Variants in SCP2 observed in about 807,000 individuals in gnomAD.
The protein encoded by SCP2 is SCP-2/3-oxoacyl-CoA thiolase.
In SCP2, 48 loss-of-function variants were observed where a neutral mutation model predicts 71.4. The ratio of observed to expected loss-of-function variants is 0.67; its 90% CI spans 0.53 to 0.86. The LOEUF (loss-of-function observed/expected upper bound fraction) is 0.86. SCP2 is among the 40% of genes least tolerant of loss of function. The pLI is 0.00. For missense variants in SCP2, 560 were observed against 655.6 expected (o/e 0.85, Z 1.59); for synonymous variants, 220 against 218.1 (o/e 1.01, Z -0.08).
intron 1 of SCP2, among the ~76,000 whole-genome samples, chr1:52,933,291 A>G (rs563260478): frequency 1.2e-4 from 19 of 152,336 alleles, no homozygotes; most frequent in African/African-American, 4.3e-4. Context: ...ATTGCAGTTG[A>G]TTAAAACCCA....
At chr1:52,961,246 G>T in intron 5 of SCP2, among the ~76,000 whole-genome samples, 1 of 147,514 alleles carries the variant, frequency 6.8e-6, no homozygotes. Flanking sequence ...CCCCACAACA[G>T]GATGGAATAG....
At chr1:52,936,188 CAT>C (rs1451763649) in intron 1 of SCP2, among the ~76,000 whole-genome samples, 15 of 152,168 alleles carry the variant, frequency 9.9e-5, no homozygotes, top group Admixed American at 9.8e-4. Context: ...TTTATGTTAA[CAT>C]GTAATGGATT....
At chr1:52,994,120 T>G (rs940230868) in intron 11 of SCP2, 27 of 1,062,732 alleles carry the variant, frequency 2.5e-5, no homozygotes, top group Middle Eastern at 4.5e-4. Flanking sequence ...TAGACTAAAC[T>G]GTTTTCTTTA....
intron 1 of SCP2, among the ~76,000 whole-genome samples, chr1:52,930,432 T>C (rs901337133): frequency 1.3e-5 from 2 of 152,090 alleles, no homozygotes; most frequent in African/African-American, 4.8e-5. Flanking sequence ...GAGAACAGCC[T>C]GGGCGATATT....
rs1378004123 is a variant in SCP2, at chr1:53,036,034, AAAAAAAG to A, written c.1339-2878_1339-2872del. 2.7e-5 allele frequency among the ~76,000 whole-genome samples: 4 copies of A among 149,066 alleles called. No individual in the cohort carries two copies. In the East Asian group the frequency reaches 5.8e-4, roughly 22 times the overall value. Reference sequence around the variant, plus strand: ...GACTCCGTCTCAAAAAAAAAAAAAAAAAAAAAGAAAACTGAGATTCAGAAAGTAACTT... The same window carrying A: ...GACTCCGTCTCAAAAAAAAAAAAAAAAAAACTGAGATTCAGAAAGTAACTT... On this transcript the variant is annotated intron_variant, in intron 13 of 15. Transcript: ENST00000371514.
At chr1:53,020,140 G>A (rs1221878353) in intron 12 of SCP2, among the ~76,000 whole-genome samples, 4 of 152,080 alleles carry the variant, frequency 2.6e-5, no homozygotes, top group Non-Finnish European at 5.9e-5. Flanking sequence ...GCCTGCCTCG[G>A]CCTCCCAAAG....
intron 11 of SCP2, among the ~76,000 whole-genome samples, chr1:53,007,249 C>A (rs537023401): frequency 6.6e-5 from 10 of 152,254 alleles, no homozygotes; most frequent in African/African-American, 2.4e-4. Context: ...ATATCCAGGA[C>A]TTGAACTCAG....
intron 11 of SCP2, among the ~76,000 whole-genome samples, chr1:52,990,195 A>G (rs1659343696): frequency 6.6e-6 from 1 of 152,160 alleles, no homozygotes; most frequent in African/African-American, 2.4e-5. Flanking sequence ...AGCAACAACA[A>G]CAACAACAAA....
intron 5 of SCP2, among the ~76,000 whole-genome samples, chr1:52,955,761 C>T (rs1004517427): frequency 6.6e-6 from 1 of 151,882 alleles, no homozygotes; most frequent in Non-Finnish European, 1.5e-5. Flanking sequence ...TTTAAGGACA[C>T]GCAGTTAAAG....
intron 4 of SCP2, among the ~76,000 whole-genome samples, chr1:52,951,878 G>C (rs751563817): frequency 8.6e-5 from 13 of 151,874 alleles, no homozygotes; most frequent in Non-Finnish European, 1.6e-4. Context: ...CACCATGCCT[G>C]GCTAATTTTT....
At chr1:53,048,407 G>A (rs189222378) in intron 15 of SCP2, 117 of 232,766 alleles carry the variant, frequency 5.0e-4, no homozygotes, top group Non-Finnish European at 8.8e-4. Context: ...CTTTTTGCCT[G>A]ACCTGTCCTT....
At chr1:52,952,433 C>T (rs1420693495) in intron 4 of SCP2, among the ~76,000 whole-genome samples, 1 of 152,036 alleles carries the variant, frequency 6.6e-6, no homozygotes, top group African/African-American at 2.4e-5. Flanking sequence ...TGCTATGTTG[C>T]CCAGGCTGAT....
chr1:52,976,511 T>G (rs1657984211), intron 7 of SCP2, among the ~76,000 whole-genome samples, 172 bp from the exon 8 acceptor site: 1 of 152,134 alleles, frequency 6.6e-6, no homozygotes, highest in Non-Finnish European at 1.5e-5. Context: ...CATACTGTAT[T>G]TTAGAGTTAG....
rs917500741 is a variant in SCP2 at position 52,974,636 on chromosome 1, T to C, written c.524-133T>C. The C allele has an allele frequency of 1.8e-5, 13 of 709,474 alleles. No individual in the cohort carries two copies. In the African/African-American group the frequency reaches 1.9e-4, roughly 11 times the overall value. 43.9% of individuals were successfully genotyped at this position (709,474 alleles called of 1,614,324 possible). On this transcript the variant is annotated intron_variant, in intron 6 of 15. Transcript: ENST00000371514. ...ATTTTTTGAGGGAACAGTGCTGAAG[T>C]CTTTAATACTGATGATATATATGAA...
intron 3 of SCP2, among the ~76,000 whole-genome samples, chr1:52,949,144 T>A (rs979768640): frequency 1.3e-5 from 2 of 152,218 alleles, no homozygotes; most frequent in Admixed American, 1.3e-4. Flanking sequence ...TAGTAGGTGT[T>A]ACTGTAGATG....
chr1:52,930,794 T>C (rs1653080410), intron 1 of SCP2, among the ~76,000 whole-genome samples: 1 of 152,246 alleles, frequency 6.6e-6, no homozygotes, highest in African/African-American at 2.4e-5. Flanking sequence ...TACTTTATTT[T>C]GGTGCAGCTT....
chr1:53,014,338 CCTTT>C (rs1661191511), intron 11 of SCP2, among the ~76,000 whole-genome samples: 1 of 152,132 alleles, frequency 6.6e-6, no homozygotes, highest in South Asian at 2.1e-4. Context: ...CACAGATTAA[CCTTT>C]CTGTTTCTCA....
intron 7 of SCP2, among the ~76,000 whole-genome samples, chr1:52,976,335 A>G (rs1572122831): frequency 1.3e-5 from 2 of 152,062 alleles, no homozygotes; most frequent in Admixed American, 6.6e-5. Context: ...CTGTAGTCAC[A>G]TGGTTGGTCT....
At chr1:53,037,923 CACACACAG>C (rs1663106909) in intron 13 of SCP2, among the ~76,000 whole-genome samples, 3 of 107,982 alleles carry the variant, frequency 2.8e-5, no homozygotes, top group South Asian at 3.0e-4. Context: ...CACACACACA[CACACACAG>C]ATCCAGATCC....
Sources: gnomAD v4.1 joint callset for allele counts (sites outside exome capture counted in the v4.1 genomes callset) on GRCh38, gnomAD v4.1.1 for gene constraint, MANE v1.5 for transcripts, NCBI Gene and HGNC (gene_info 2026-07-23, HGNC 2026-07-21) for gene names.